The following SMIM23 variants were observed in gnomAD, a reference collection of about 807,000 sequenced individuals.
The protein encoded by SMIM23 is CTB-78H18.1.
A neutral mutation model predicts 12.8 loss-of-function variants in SMIM23; 10 were observed. That is an observed-to-expected ratio of 0.78 (90% CI 0.48 to 1.32). The LOEUF is 1.32. SMIM23 is among the 40% of genes most tolerant of loss of function. The pLI is 0.00. For missense variants in SMIM23, 184 were observed against 198.2 expected, an observed-to-expected ratio of 0.93 and a Z score of 0.43; for synonymous variants, 78 against 80.1, an observed-to-expected ratio of 0.97 and a Z score of 0.14.
upstream of SMIM23, among the ~76,000 whole-genome samples, chr5:171,781,425 AT>A (rs1755723788): frequency 1.3e-5 from 2 of 152,182 alleles, no homozygotes; most frequent in African/African-American, 4.8e-5. Flanking sequence ...TGTAACTGTC[AT>A]ACCTCATGGA....
chr5:171,790,729 GTGGGGA>G, intron 3 of SMIM23, 60 bp from the exon 4 acceptor site: 1 of 1,515,388 alleles, frequency 6.6e-7, no homozygotes. Flanking sequence ...TTTGAAACCA[GTGGGGA>G]TGGGGAGGAG....
the SMIM23 span, among the ~76,000 whole-genome samples, chr5:171,773,313 G>A: frequency 6.6e-6 from 1 of 152,254 alleles, no homozygotes; most frequent in Non-Finnish European, 1.5e-5. Flanking sequence ...GCACAGCAAG[G>A]GCTGGATAAA....
upstream of SMIM23, among the ~76,000 whole-genome samples, chr5:171,785,401 GT>G (rs113319310): frequency 0.032 from 4,428 of 136,428 alleles, 141 homozygotes; most frequent in African/African-American, 0.096. Context: ...AGCTTTTATT[GT>G]TTTTTTTTTT....
upstream of SMIM23, among the ~76,000 whole-genome samples, chr5:171,783,154 T>C (rs374130632): frequency 5.3e-5 from 8 of 152,166 alleles, no homozygotes; most frequent in East Asian, 1.3e-3. Flanking sequence ...AAAAAACAAA[T>C]GAAACGGAAG....
rs2113648985 is a variant in SMIM23 at position 171,785,996 on chromosome 5, A to G, written c.105+20A>G. On this transcript the variant is annotated intron_variant, in intron 1 of 3. Coordinates refer to ENST00000523047, the MANE Select transcript of SMIM23 (RefSeq NM_001289970.2). Reference sequence around the variant, plus strand: ...AAGCAGGTGAGGCCAGGCCAGGTACATGCTGCTTTCCTCCCATCTGGGCTC... The same window carrying G: ...AAGCAGGTGAGGCCAGGCCAGGTACGTGCTGCTTTCCTCCCATCTGGGCTC... 1.3e-6 allele frequency: 2 copies of G among 1,525,450 alleles called. No individual in the cohort carries two copies. Among genetic ancestry groups the G allele is most frequent in the East Asian group, 2.4e-5 (1 of 40,842 alleles). The allele number at this position is 1,525,450 out of a possible 1,614,324, so 94.5% of individuals were successfully genotyped here. A position where few individuals can be genotyped will look rare whatever the true frequency, so the allele number is the denominator to read the frequency against.
chr5:171,784,390 A>G (rs1196868975), upstream of SMIM23, among the ~76,000 whole-genome samples: 1 of 152,112 alleles, frequency 6.6e-6, no homozygotes. Flanking sequence ...CTGTAGTCCC[A>G]GATACTCGGG....
At chr5:171,781,950 A>C (rs547943011), upstream of SMIM23, among the ~76,000 whole-genome samples, 49 of 152,358 alleles carry the variant, frequency 3.2e-4, no homozygotes, top group Non-Finnish European at 5.9e-5. Context: ...TAAATGGCCC[A>C]ATCAGCACTC....
chr5:171,777,898 G>T (rs1581068731), upstream of SMIM23, among the ~76,000 whole-genome samples: 1 of 152,312 alleles, frequency 6.6e-6, no homozygotes, highest in African/African-American at 2.4e-5. Context: ...CAGCCTAGCA[G>T]CTGTCCTTGC....
chr5:171,774,740 G>C, the SMIM23 span: 3 of 387,696 alleles, frequency 7.7e-6, no homozygotes, highest in South Asian at 3.9e-5. Context: ...CTGACATGCA[G>C]CTATTGTGTC....
chr5:171,789,316 A>C (rs1189647231), intron 1 of SMIM23, among the ~76,000 whole-genome samples: 1 of 152,236 alleles, frequency 6.6e-6, no homozygotes, highest in East Asian at 1.9e-4. Flanking sequence ...TTACCACAAA[A>C]ATGGGGACAC....
At position 171,791,132 on chromosome 5, in the gene SMIM23, A is replaced by G. The variant is rs1418986709; in HGVS notation, c.*44A>G. On this transcript the variant is annotated 3_prime_UTR_variant, in exon 4 of 4. Coordinates refer to ENST00000523047, the MANE Select transcript of SMIM23 (RefSeq NM_001289970.2). Reference sequence around the variant, plus strand: ...GGCAAGAAAATAAAGTAGTTGGGAAATGAAGTCCGCTGTTCACATTCATGA... The same window carrying G: ...GGCAAGAAAATAAAGTAGTTGGGAAGTGAAGTCCGCTGTTCACATTCATGA... The G allele has an allele frequency of 3.5e-6, 5 of 1,440,548 alleles. No homozygotes were observed. The highest frequency in any genetic ancestry group is 2.7e-5 in the Admixed American group (1 of 36,874). The allele number at this position is 1,440,548 out of a possible 1,614,324, so 89.2% of individuals were successfully genotyped here.
chr5:171,774,382 C>A, the SMIM23 span: 2 of 455,994 alleles, frequency 4.4e-6, no homozygotes, highest in Non-Finnish European at 4.4e-6. Context: ...AAGGAGCCCA[C>A]GCAGGGTTAC....
chr5:171,789,634 A>T (rs1755885438), intron 1 of SMIM23, among the ~76,000 whole-genome samples: 1 of 152,246 alleles, frequency 6.6e-6, no homozygotes, highest in Non-Finnish European at 1.5e-5. Context: ...AGCACAAAAA[A>T]ATAGAGGCAT....
chr5:171,785,805 T>G, upstream of SMIM23: 1 of 1,286,894 alleles, frequency 7.8e-7, no homozygotes, highest in Non-Finnish European at 1.1e-6. Context: ...TGACCACAGG[T>G]GGGGGAGGGG....
the SMIM23 span, among the ~76,000 whole-genome samples, chr5:171,777,048 C>T: frequency 1.1e-4 from 16 of 148,316 alleles, no homozygotes; most frequent in South Asian, 3.3e-3. Flanking sequence ...CCTCCAGCTT[C>T]CCCCTCCTTT....
At chr5:171,781,906 G>A (rs1451094163), upstream of SMIM23, among the ~76,000 whole-genome samples, 2 of 152,170 alleles carry the variant, frequency 1.3e-5, no homozygotes, top group Admixed American at 6.5e-5. Context: ...TGTAAAAAAT[G>A]CACAGTCAGT....
chr5:171,782,860 A>G (rs1306283769), upstream of SMIM23: 1 of 152,238 alleles, frequency 6.6e-6, no homozygotes, highest in Non-Finnish European at 1.5e-5. Context: ...CCACAGAATT[A>G]ATAGCCTAGA....
intron 1 of SMIM23, among the ~76,000 whole-genome samples, chr5:171,786,963 C>T (rs1755829526): frequency 6.8e-6 from 1 of 148,024 alleles, no homozygotes; most frequent in Non-Finnish European, 1.5e-5. Context: ...TTGTTTACCA[C>T]AGCATTTCCC....
chr5:171,785,042 G>T (rs1028582813), upstream of SMIM23, among the ~76,000 whole-genome samples: 4 of 152,154 alleles, frequency 2.6e-5, no homozygotes, highest in African/African-American at 9.7e-5. Context: ...TGTGGGTGGG[G>T]TCGGGAGGCA....
Sources: allele counts gnomAD v4.1 joint callset (sites outside exome capture counted in the v4.1 genomes callset), GRCh38; gene constraint gnomAD v4.1.1; transcripts MANE v1.5; gene names NCBI Gene and HGNC (gene_info 2026-07-23, HGNC 2026-07-21).